The following PIAS1 variants were observed in gnomAD, a reference collection of about 807,000 sequenced individuals.
PIAS1 encodes the protein E3 SUMO-protein ligase PIAS1.
A neutral mutation model predicts 71.3 loss-of-function variants in PIAS1; 6 were observed. The observed-to-expected ratio is 0.08, with a 90% CI of 0.05 to 0.17. PIAS1 has a LOEUF of 0.17. Ranked by LOEUF, PIAS1 falls within the 10% of genes least tolerant of loss-of-function variation. PIAS1 has a pLI of 1.00. For missense variants in PIAS1, 555 were observed against 793.6 expected, an observed-to-expected ratio of 0.70 and a Z score of 3.61; for synonymous variants, 303 against 292.9, an observed-to-expected ratio of 1.03 and a Z score of -0.35.
intron 8 of PIAS1, among the ~76,000 whole-genome samples, chr15:68,172,761 G>C (rs569663301): frequency 2.0e-5 from 3 of 152,224 alleles, no homozygotes; most frequent in Non-Finnish European, 2.9e-5. Context: ...AGGTTTCTGC[G>C]TGGCTTTTCT....
chr15:68,085,896 T>C (rs1415223099), intron 1 of PIAS1, among the ~76,000 whole-genome samples: 1 of 152,210 alleles, frequency 6.6e-6, no homozygotes, highest in Non-Finnish European at 1.5e-5. Context: ...TATATACTTA[T>C]AATTCTTCCC....
At chr15:68,077,960 G>A (rs553081695) in intron 1 of PIAS1, among the ~76,000 whole-genome samples, 24 of 152,116 alleles carry the variant, frequency 1.6e-4, no homozygotes, top group East Asian at 1.9e-4. Flanking sequence ...TTGTTAATAC[G>A]TGTTTCTTCT....
At chr15:68,075,481 T>A (rs1212634799) in intron 1 of PIAS1, among the ~76,000 whole-genome samples, 1 of 152,194 alleles carries the variant, frequency 6.6e-6, no homozygotes, top group Non-Finnish European at 1.5e-5. Context: ...TAATCTGTTC[T>A]GAAGATAATG....
At chr15:68,182,712 G>A (rs905993584) in intron 12 of PIAS1, among the ~76,000 whole-genome samples, 11 of 152,152 alleles carry the variant, frequency 7.2e-5, no homozygotes, top group African/African-American at 2.7e-4. Flanking sequence ...GAGCCACTAC[G>A]GCCAGCCAGT....
At chr15:68,168,126 A>G (rs2092968387) in intron 8 of PIAS1, among the ~76,000 whole-genome samples, 1 of 151,946 alleles carries the variant, frequency 6.6e-6, no homozygotes, top group Non-Finnish European at 1.5e-5. Context: ...CTCCTGCCTC[A>G]ACCTCCTGAG....
intron 6 of PIAS1, among the ~76,000 whole-genome samples, chr15:68,153,305 G>A (rs984695330): frequency 6.6e-6 from 1 of 152,018 alleles, no homozygotes; most frequent in Non-Finnish European, 1.5e-5. Flanking sequence ...AGACAGACCT[G>A]GGTTTAAATT....
At position 68,190,198 on chromosome 15, in the gene PIAS1, T is replaced by TA. The variant is rs1369200540; in HGVS notation, c.*2364dup. 2.6e-5 allele frequency: 4 copies of TA among 152,196 alleles called. No homozygotes were observed. Among genetic ancestry groups the TA allele is most frequent in the African/African-American group, 9.6e-5 (4 of 41,452 alleles). 9.4% of individuals were successfully genotyped at this position (152,196 alleles called of 1,614,324 possible). ...ACCAACCTAAGAGAAGAACAGGTAA[T>TA]AGGGAGAAATAAACATACGGTGGTT... is the stretch of plus-strand genomic sequence containing the variant. On this transcript the variant is annotated 3_prime_UTR_variant, in exon 14 of 14. Coordinates refer to ENST00000249636, the MANE Select transcript of PIAS1 (RefSeq NM_016166.3). The surrounding 1 kb of genome is among the most constrained non-coding windows in gnomAD (Gnocchi z 4.7).
At position 68,104,490 on chromosome 15, in the gene PIAS1, T is replaced by G. The variant is rs142890230; in HGVS notation, c.469+17740T>G. Among the ~76,000 whole-genome samples, 100 of 152,314 alleles carry G rather than the reference T, an allele frequency of 6.6e-4. 2 individuals carry two copies. In the East Asian group the frequency reaches 0.018, roughly 28 times the overall value. On this transcript the variant is annotated intron_variant, in intron 2 of 13. Coordinates refer to ENST00000249636, the MANE Select transcript of PIAS1 (RefSeq NM_016166.3). Reference sequence around the variant, plus strand: ...CTTGCCTCTTCTCCTCTTCACTAATTTATTCTATCAGACATGTATTCATAG... The same window carrying G: ...CTTGCCTCTTCTCCTCTTCACTAATGTATTCTATCAGACATGTATTCATAG...
chr15:68,067,994 C>T (rs1380268699), intron 1 of PIAS1, among the ~76,000 whole-genome samples: 1 of 152,152 alleles, frequency 6.6e-6, no homozygotes, highest in Non-Finnish European at 1.5e-5. Context: ...ATATCATAGT[C>T]TTGTAAATTT....
intron 2 of PIAS1, among the ~76,000 whole-genome samples, chr15:68,106,351 C>CAAAAAAAAAAAA (rs11313083): frequency 3.8e-4 from 35 of 92,808 alleles, no homozygotes; most frequent in East Asian, 6.6e-4. Context: ...ATGACCTTTG[C>CAAAAAAAAAAAA]AAAAAAAAAA....
chr15:68,059,641 G>A (rs1597110224), intron 1 of PIAS1, among the ~76,000 whole-genome samples: 2 of 150,506 alleles, frequency 1.3e-5, no homozygotes, highest in East Asian at 3.9e-4. Flanking sequence ...AACCTGGGAG[G>A]CAGAGGTTGC....
intron 1 of PIAS1, among the ~76,000 whole-genome samples, chr15:68,073,645 G>T (rs572639641): frequency 6.6e-6 from 1 of 152,094 alleles, no homozygotes. Context: ...GGGATAGGAG[G>T]GGGGAGAAGA....
intron 2 of PIAS1, among the ~76,000 whole-genome samples, chr15:68,139,694 A>T (rs978374237): frequency 6.6e-6 from 1 of 152,172 alleles, no homozygotes; most frequent in African/African-American, 2.4e-5. Context: ...TTAAGATTTT[A>T]TATAACATTT....
intron 2 of PIAS1, among the ~76,000 whole-genome samples, chr15:68,117,720 A>G (rs191398864): frequency 6.6e-6 from 1 of 152,066 alleles, no homozygotes; most frequent in Admixed American, 6.5e-5. Flanking sequence ...GTATTCTATC[A>G]TGTCTCCATA....
chr15:68,112,569 A>G (rs1293504826), intron 2 of PIAS1, among the ~76,000 whole-genome samples: 1 of 152,212 alleles, frequency 6.6e-6, no homozygotes, highest in Non-Finnish European at 1.5e-5. Context: ...AAAAAATGTA[A>G]AGAATGCCTA....
Position 68,175,778 on chromosome 15 carries a change from C to T in PIAS1, c.1300+11C>T. The T allele has an allele frequency of 1.3e-6, 2 of 1,590,358 alleles. No homozygotes were observed. Among genetic ancestry groups the T allele is most frequent in the Non-Finnish European group, 1.7e-6 (2 of 1,166,718 alleles). On this transcript the variant is annotated intron_variant, in intron 10 of 13. Transcript: ENST00000249636. Reference sequence around the variant, plus strand: ...ACAATGGAGTCGATGGTGAGTAGTTCTTCACAAGGAAGAGGCAGTCTCCCT... The same window carrying T: ...ACAATGGAGTCGATGGTGAGTAGTTTTTCACAAGGAAGAGGCAGTCTCCCT...
chr15:68,123,848 G>A (rs2092630293), intron 2 of PIAS1, among the ~76,000 whole-genome samples: 1 of 152,122 alleles, frequency 6.6e-6, no homozygotes, highest in African/African-American at 2.4e-5. Context: ...CTACTGCTAT[G>A]CTTCATTGTA....
intron 1 of PIAS1, among the ~76,000 whole-genome samples, chr15:68,075,503 CTG>C (rs2092153078): frequency 6.6e-6 from 1 of 152,124 alleles, no homozygotes; most frequent in Non-Finnish European, 1.5e-5. Flanking sequence ...TCATAATGAT[CTG>C]TAAGTTTTGT....
At chr15:68,120,261 T>C (rs2092602481) in intron 2 of PIAS1, among the ~76,000 whole-genome samples, 1 of 152,162 alleles carries the variant, frequency 6.6e-6, no homozygotes, top group African/African-American at 2.4e-5. Flanking sequence ...TTTAACTCTC[T>C]CATATCTGCC....
Sources: allele counts gnomAD v4.1 joint callset (sites outside exome capture counted in the v4.1 genomes callset), GRCh38; gene constraint gnomAD v4.1.1; non-coding constraint Gnocchi (gnomAD v3.1); transcripts MANE v1.5; gene names NCBI Gene and HGNC (gene_info 2026-07-23, HGNC 2026-07-21).